DIP2A: variants seen among roughly 807,000 people sequenced by gnomAD.
DIP2A encodes the protein DIP2 acetate--CoA ligase A, also known as disco-interacting protein 2 homolog A.
In DIP2A, 85 loss-of-function variants were observed where a neutral mutation model predicts 177.4. The observed-to-expected ratio is 0.48, with a 90% confidence interval of 0.40 to 0.57. The LOEUF is 0.57. DIP2A is among the 20% of genes least tolerant of loss of function. The probability of loss-of-function intolerance (pLI) is 0.00; values close to 1 mark genes in which losing one functional copy is unlikely to be tolerated. For missense variants in DIP2A, 1,791 were observed against 2,100.2 expected (o/e 0.85, Z 2.88); for synonymous variants, 886 against 881.8 (o/e 1.00, Z -0.08).
intron 1 of DIP2A, among the ~76,000 whole-genome samples, chr21:46,473,036 A>T (rs1233810493): frequency 6.6e-6 from 1 of 152,224 alleles, no homozygotes; most frequent in East Asian, 1.9e-4. Context: ...TTAACCATGC[A>T]TGGCTAATGG....
chr21:46,476,652 ATTTT>A (rs111428142), intron 1 of DIP2A, among the ~76,000 whole-genome samples: 3 of 129,908 alleles, frequency 2.3e-5, no homozygotes, highest in Admixed American at 8.0e-5. Context: ...GCATCACTCT[ATTTT>A]TTTTTTTTTT....
At chr21:46,583,055 A>T in the DIP2A span, among the ~76,000 whole-genome samples, 12 of 152,314 alleles carry the variant, frequency 7.9e-5, no homozygotes, top group Middle Eastern at 3.4e-3. Context: ...CAGTAAAAGG[A>T]TGAGAAAAGG....
At chr21:46,481,215 T>C (rs2056321461) in intron 1 of DIP2A, among the ~76,000 whole-genome samples, 1 of 147,184 alleles carries the variant, frequency 6.8e-6, no homozygotes. Context: ...TGGAATCATA[T>C]AGCATGTAAC....
intron 36 of DIP2A, 90 bp from the exon 37 acceptor site, chr21:46,566,470 G>A (rs1019852638): frequency 5.2e-5 from 81 of 1,553,720 alleles, no homozygotes; most frequent in Middle Eastern, 3.4e-4. Context: ...CCCTGTGCCT[G>A]AGAGCCCCTG....
chr21:46,530,789 T>C (rs779569152), intron 9 of DIP2A, among the ~76,000 whole-genome samples: 2 of 151,702 alleles, frequency 1.3e-5, no homozygotes, highest in Non-Finnish European at 2.9e-5. Context: ...ATACGAGGGG[T>C]ACAGAAAAGA....
At position 46,537,334 on chromosome 21, in the gene DIP2A, G is replaced by A; in HGVS notation, c.1707+46G>A. On this transcript the variant is annotated intron_variant, in intron 14 of 37. Transcript: ENST00000417564. The surrounding 1 kb of genome is among the most constrained non-coding windows in gnomAD (Gnocchi z 4.1). ...ACTAACTGTTGGAACAAGGGATTGA[G>A]ATGAACCCAAGCCTCTGCCTGAAAT... 1 of 1,612,636 alleles carries A rather than the reference G, an allele frequency of 6.2e-7. No homozygotes were observed. The highest frequency in any genetic ancestry group is 8.5e-7 in the Non-Finnish European group (1 of 1,178,642).
At chr21:46,554,065 C>T in intron 25 of DIP2A, 104 bp from the exon 26 acceptor site, 1 of 1,419,558 alleles carries the variant, frequency 7.0e-7, no homozygotes. Context: ...ACGCTAATCA[C>T]AAGGTGTCGT....
rs750603455 is a variant in DIP2A, at chr21:46,511,441, C to T, written c.929C>T (p.Pro310Leu). ...GTTCAGCAACCAGATCCAAATCAGC[C>T]AAAGCCTGAGGGAAGCGAGACGAGT... ...LEVQQPDPNQ[P>L]KPEGSETSVL... Residue 310 changes from proline to leucine, a missense_variant, in exon 8 of 38, where the codon CCA becomes CTA. Transcript: ENST00000417564. The T allele has an allele frequency of 6.2e-7, 1 of 1,611,820 alleles. No individual in the cohort carries two copies. The highest frequency in any genetic ancestry group is 8.5e-7 in the Non-Finnish European group (1 of 1,178,988).
intron 1 of DIP2A, among the ~76,000 whole-genome samples, chr21:46,460,423 G>A (rs1362398184): frequency 6.6e-6 from 1 of 152,160 alleles, no homozygotes; most frequent in Non-Finnish European, 1.5e-5. Flanking sequence ...CTGTTTTTGA[G>A]ATCTAAATGC....
At chr21:46,561,890 G>A (rs2060677280) in intron 34 of DIP2A, 85 bp downstream of exon 34, 4 of 1,575,140 alleles carry the variant, frequency 2.5e-6, no homozygotes, top group Non-Finnish European at 3.4e-6. Flanking sequence ...GCTGGGGGCT[G>A]CGGCTCTGAT....
chr21:46,564,869 C>T (rs11910912), intron 35 of DIP2A, among the ~76,000 whole-genome samples: 10,961 of 152,264 alleles, frequency 0.072, 1,082 homozygotes, highest in African/African-American at 0.23. Context: ...TCCCCTCAAC[C>T]GTCCCACTTC....
At chr21:46,501,320 A>G (rs925016941) in intron 5 of DIP2A, among the ~76,000 whole-genome samples, 1 of 152,154 alleles carries the variant, frequency 6.6e-6, no homozygotes, top group Admixed American at 6.5e-5. Flanking sequence ...GTAAATACCT[A>G]TTTTTAAAAG....
chr21:46,555,636 G>A (rs577367155), intron 28 of DIP2A: 6 of 290,808 alleles, frequency 2.1e-5, no homozygotes, highest in South Asian at 1.3e-4. Flanking sequence ...GTCGGGACTC[G>A]GCTCATCTGG....
chr21:46,517,846 G>A (rs1333023264), intron 8 of DIP2A, among the ~76,000 whole-genome samples: 1 of 152,222 alleles, frequency 6.6e-6, no homozygotes, highest in Non-Finnish European at 1.5e-5. Flanking sequence ...CCCTGAACAT[G>A]GACAGCGTAA....
At chr21:46,549,731 G>T (rs537672451) in intron 21 of DIP2A, 40 bp from the exon 22 acceptor site, 16 of 1,609,030 alleles carry the variant, frequency 9.9e-6, no homozygotes, top group African/African-American at 8.0e-5. Flanking sequence ...GTCTTGTTTG[G>T]CCTCTTGCCG....
chr21:46,538,945 GC>G (rs1164117436), intron 16 of DIP2A: 3 of 224,058 alleles, frequency 1.3e-5, no homozygotes, highest in African/African-American at 4.7e-5. Flanking sequence ...TTGTCCTGGT[GC>G]CCCCACGTCT....
At position 46,538,601 on chromosome 21, in the gene DIP2A, G is replaced by A. The variant is rs1204461997; in HGVS notation, c.1920G>A (p.Pro640=). 9 of 1,550,348 alleles carry A rather than the reference G, an allele frequency of 5.8e-6. No homozygotes were observed. In the East Asian group the frequency reaches 7.3e-5, roughly 13 times the overall value. ...TGATTGTGGCCGATGGTGCCAACCC[G>A]TGTGAGTGAGCCTGTGTGCCCGGCG... ...RMLIVADGAN[P]WSISSCDAFL... The change falls in exon 16 of 38, where the codon CCG becomes CCA. Residue 640 remains proline, a splice_region_variant and synonymous_variant. Transcript: ENST00000417564.
rs376890180 is a variant in DIP2A, at chr21:46,481,288, A to G, written c.92-3469A>G. Among the ~76,000 whole-genome samples, 6 of 152,360 alleles carry G rather than the reference A, an allele frequency of 3.9e-5. No individual in the cohort carries two copies. The East Asian group carries it at 1.2e-3, about 29-fold the overall frequency. Reference sequence around the variant, plus strand: ...TTTGAAATTTATTCACACTTTTGCAAGTATCAATAGTCTGTTCCTCTTTAT... The same window carrying G: ...TTTGAAATTTATTCACACTTTTGCAGGTATCAATAGTCTGTTCCTCTTTAT... On this transcript the variant is annotated intron_variant, in intron 1 of 37. Transcript: ENST00000417564.
chr21:46,471,941 T>C (rs2055420869), intron 1 of DIP2A, among the ~76,000 whole-genome samples: 1 of 152,256 alleles, frequency 6.6e-6, no homozygotes. Flanking sequence ...AAAGAGCTTT[T>C]ACACTCTTTC....
Sources: allele counts gnomAD v4.1 joint callset (sites outside exome capture counted in the v4.1 genomes callset), GRCh38; gene constraint gnomAD v4.1.1; non-coding constraint Gnocchi (gnomAD v3.1); transcripts MANE v1.5; gene names NCBI Gene and HGNC (gene_info 2026-07-23, HGNC 2026-07-21).